CEP112: variants seen among roughly 807,000 people sequenced by gnomAD.
The protein encoded by CEP112 is centrosomal protein 112, also known as centrosomal protein of 112 kDa.
Under a neutral mutation model 153.0 loss-of-function variants are expected in CEP112, and 127 were observed. The observed-to-expected ratio is 0.83, with a 90% confidence interval of 0.72 to 0.96. The LOEUF (loss-of-function observed/expected upper bound fraction) is 0.96. Among genes scored for constraint, CEP112 ranks in the 40% least tolerant of loss-of-function variants. The pLI, the probability that CEP112 is intolerant of heterozygous loss-of-function variation, is 0.00. For synonymous variants in CEP112, 358 were observed against 374.4 expected (o/e 0.96, Z 0.51); for missense variants, 1,089 against 1,101.2 (o/e 0.99, Z 0.16).
chr17:65,946,732 T>A (rs2061662882), intron 18 of CEP112, among the ~76,000 whole-genome samples: 1 of 152,290 alleles, frequency 6.6e-6, no homozygotes, highest in South Asian at 2.1e-4. Flanking sequence ...AAATTTTTTT[T>A]ATTTTTAAGA....
chr17:66,022,371 A>G (rs2065031123), intron 16 of CEP112, among the ~76,000 whole-genome samples: 6 of 152,202 alleles, frequency 3.9e-5, no homozygotes, highest in Admixed American at 3.9e-4. Flanking sequence ...AAAGGAACAC[A>G]GTAATTTTCT....
At chr17:65,746,165 C>CA (rs56361589) in intron 22 of CEP112, among the ~76,000 whole-genome samples, 13,532 of 49,616 alleles carry the variant, frequency 0.27, 1,773 homozygotes, top group Middle Eastern at 0.35. Flanking sequence ...AACTCCATCT[C>CA]AAAAAAAAAA....
chr17:66,191,433 A>C lies in CEP112; in HGVS notation c.-9+564T>G, dbSNP rs114540983. Among the ~76,000 whole-genome samples, 1,338 of 152,274 alleles carry C rather than the reference A, an allele frequency of 8.8e-3. 16 individuals carry two copies. The highest frequency in any genetic ancestry group is 0.03 in the African/African-American group (1,266 of 41,542). On this transcript the variant is annotated intron_variant, in intron 1 of 26. Transcript: ENST00000535342. The surrounding 1 kb of genome is among the most constrained non-coding windows in gnomAD (Gnocchi z 4.2). Reference sequence around the variant, plus strand: ...TCTCTTGAACACTTAAAAATAATTAACTCAGAAACACAGGGTAGCATCCTA... The same window carrying C: ...TCTCTTGAACACTTAAAAATAATTACCTCAGAAACACAGGGTAGCATCCTA...
chr17:66,169,694 T>C (rs1316845410), intron 4 of CEP112, among the ~76,000 whole-genome samples: 1 of 152,216 alleles, frequency 6.6e-6, no homozygotes, highest in East Asian at 1.9e-4. Context: ...AGAAGGATTG[T>C]GACTTTTTAC....
intron 21 of CEP112, among the ~76,000 whole-genome samples, chr17:65,817,874 AG>A (rs1229035539): frequency 6.6e-6 from 1 of 151,890 alleles, no homozygotes. Flanking sequence ...TGCTTACCCC[AG>A]GTAAGCTTTT....
intron 22 of CEP112, among the ~76,000 whole-genome samples, chr17:65,743,715 T>C (rs1025783399): frequency 6.6e-6 from 1 of 152,186 alleles, no homozygotes; most frequent in African/African-American, 2.4e-5. Flanking sequence ...TCTTATGTCA[T>C]TTACTACTGT....
chr17:65,949,421 C>T lies in CEP112; in HGVS notation c.1872+12042G>A, dbSNP rs114911407. ...ATGGGTTGCTGTTACTATTAGTTTT[C>T]GAGGAGTCCGAATCTAGCACACTAG... On this transcript the variant is annotated intron_variant, in intron 18 of 26. Coordinates refer to ENST00000535342, the MANE Select transcript of CEP112 (RefSeq NM_001199165.4). Among the ~76,000 whole-genome samples, 196 of 152,174 alleles carry T rather than the reference C, an allele frequency of 1.3e-3. 2 individuals are homozygous for T. The highest frequency in any genetic ancestry group is 4.4e-3 in the African/African-American group (184 of 41,522).
intron 23 of CEP112, among the ~76,000 whole-genome samples, chr17:65,705,573 C>T (rs1225445911): frequency 1.3e-5 from 2 of 151,788 alleles, no homozygotes. Flanking sequence ...ATTGAGAGAA[C>T]AAAAAGAAAA....
intron 21 of CEP112, among the ~76,000 whole-genome samples, chr17:65,796,314 C>A (rs560846579): frequency 6.6e-6 from 1 of 152,242 alleles, no homozygotes; most frequent in African/African-American, 2.4e-5. Flanking sequence ...ATAAGATTAG[C>A]ACAGTTCTTT....
At chr17:65,667,236 A>C (rs2046740170) in intron 24 of CEP112, among the ~76,000 whole-genome samples, 1 of 152,130 alleles carries the variant, frequency 6.6e-6, no homozygotes. Flanking sequence ...GAGGACAATG[A>C]TGGACCCACC....
chr17:66,005,740 T>C lies in CEP112; in HGVS notation c.1686A>G (p.Lys562=). The C allele has an allele frequency of 6.2e-7, 1 of 1,609,460 alleles. No individual in the cohort carries two copies. Among genetic ancestry groups the C allele is most frequent in the Non-Finnish European group, 8.5e-7 (1 of 1,178,682 alleles). The change falls in exon 17 of 27, where the codon AAA becomes AAG. Residue 562 remains lysine (K), a synonymous_variant. Transcript: ENST00000535342. ...TTTTCTTTTGAGTATCTTCTTTTCC[T>C]TTATCAAGTTCACTCTGCAAGTCAT... ...KAHDLQSELD[K]GKEDTQKKIH... is the part of the protein sequence containing the mutation.
chr17:66,137,476 C>A (rs2070488367), intron 4 of CEP112, among the ~76,000 whole-genome samples: 1 of 63,886 alleles, frequency 1.6e-5, no homozygotes, highest in South Asian at 3.7e-4. Flanking sequence ...CTCAAAGAAT[C>A]CCAAGTAGGT....
At chr17:65,724,405 G>C (rs1246891198) in intron 23 of CEP112, among the ~76,000 whole-genome samples, 3 of 152,138 alleles carry the variant, frequency 2.0e-5, no homozygotes, top group Admixed American at 1.3e-4. Flanking sequence ...TGATGCAGTA[G>C]CAACAAGTCC....
intron 20 of CEP112, among the ~76,000 whole-genome samples, chr17:65,894,057 T>C (rs560961359): frequency 6.6e-6 from 1 of 152,248 alleles, no homozygotes; most frequent in East Asian, 1.9e-4. Flanking sequence ...CAAAAATGAC[T>C]TTTCCAAGAC....
chr17:65,639,836 C>CT (rs554226605), intron 25 of CEP112, among the ~76,000 whole-genome samples: 63,937 of 111,038 alleles, frequency 0.58, 20,008 homozygotes, highest in East Asian at 0.91. Flanking sequence ...CTCTTTCTTT[C>CT]TTTTTTTTTT....
chr17:65,734,150 C>T (rs1472077294), intron 23 of CEP112, among the ~76,000 whole-genome samples: 5 of 152,200 alleles, frequency 3.3e-5, no homozygotes, highest in South Asian at 2.1e-4. Flanking sequence ...CACTGTAATA[C>T]AGCAAACACT....
intron 21 of CEP112, among the ~76,000 whole-genome samples, chr17:65,844,490 G>A (rs1311767396): frequency 6.6e-6 from 1 of 151,176 alleles, no homozygotes; most frequent in African/African-American, 2.4e-5. Context: ...TTCAAGACCA[G>A]CCTGGTCAAC....
chr17:65,888,784 C>T (rs929405581), intron 20 of CEP112, among the ~76,000 whole-genome samples: 3 of 152,094 alleles, frequency 2.0e-5, no homozygotes, highest in African/African-American at 4.8e-5. Flanking sequence ...TTCTTAAAAC[C>T]GAGTGACTCA....
chr17:65,898,034 T>C (rs998407741), intron 20 of CEP112, among the ~76,000 whole-genome samples: 11 of 152,164 alleles, frequency 7.2e-5, no homozygotes, highest in Non-Finnish European at 1.0e-4. Flanking sequence ...TTAACTGTAA[T>C]ATTTTTTCTT....
Sources: gnomAD v4.1 joint callset for allele counts (sites outside exome capture counted in the v4.1 genomes callset) on GRCh38, gnomAD v4.1.1 for gene constraint, Gnocchi (gnomAD v3.1) non-coding constraint, MANE v1.5 for transcripts, NCBI Gene and HGNC (gene_info 2026-07-23, HGNC 2026-07-21) for gene names.